PRKD1: variants seen among roughly 807,000 people sequenced by gnomAD.
The protein encoded by PRKD1 is protein kinase D1.
PRKD1 carries 63 observed loss-of-function variants against 95.9 expected under a neutral mutation model. The ratio of observed to expected loss-of-function variants is 0.66; its 90% CI spans 0.54 to 0.81. The LOEUF is 0.81. Ranked by LOEUF, PRKD1 falls within the 30% of genes least tolerant of loss-of-function variation. The probability of loss-of-function intolerance (pLI) is 0.00; values close to 1 mark genes in which losing one functional copy is unlikely to be tolerated. For synonymous variants in PRKD1, 425 were observed against 423.1 expected (o/e 1.00, Z -0.05); for missense variants, 1,048 against 1,165.3 (o/e 0.90, Z 1.47).
In PRKD1 at chr14:29,927,730, C is replaced by T; in HGVS notation, c.-218G>A. ...GGAGATGGGGAGGAGGGAAAATGGC[C>T]GAGGCGGGAGGACTCTGAGGCCCGG... On this transcript the variant is annotated 5_prime_UTR_variant, in exon 1 of 18. Transcript: ENST00000331968. 9.8e-6 allele frequency: 2 copies of T among 203,124 alleles called. No individual in the cohort carries two copies. 12.6% of individuals were successfully genotyped at this position (203,124 alleles called of 1,614,324 possible).
intron 13 of PRKD1, among the ~76,000 whole-genome samples, chr14:29,600,808 G>C (rs768358532): frequency 1.3e-5 from 2 of 152,078 alleles, no homozygotes; most frequent in African/African-American, 2.4e-5. Flanking sequence ...CTTAGCATTA[G>C]ACGATCTCTT....
intron 1 of PRKD1, among the ~76,000 whole-genome samples, chr14:29,870,763 T>C (rs1016372290): frequency 6.6e-6 from 1 of 152,216 alleles, no homozygotes; most frequent in Non-Finnish European, 1.5e-5. Context: ...ATGAATTATA[T>C]TTAAAACTCA....
At chr14:29,898,432 T>C (rs942740870) in intron 1 of PRKD1, among the ~76,000 whole-genome samples, 1 of 152,130 alleles carries the variant, frequency 6.6e-6, no homozygotes. Context: ...TCTATGTACA[T>C]CAACAGGTCC....
chr14:29,754,052 A>G (rs1028888831), intron 1 of PRKD1, among the ~76,000 whole-genome samples: 3 of 152,180 alleles, frequency 2.0e-5, no homozygotes, highest in Admixed American at 2.0e-4. Flanking sequence ...AGCAGTGCCT[A>G]AGGCTTCCTA....
intron 8 of PRKD1, among the ~76,000 whole-genome samples, chr14:29,633,781 T>C (rs910098725): frequency 1.3e-5 from 2 of 152,164 alleles, no homozygotes; most frequent in Non-Finnish European, 2.9e-5. Context: ...ACACAGATGG[T>C]CGAAATTATA....
At position 29,804,115 on chromosome 14, in the gene PRKD1, G is replaced by A. The variant is rs1347033691; in HGVS notation, c.265-78441C>T. Among the ~76,000 whole-genome samples, 4 of 151,884 alleles carry A rather than the reference G, an allele frequency of 2.6e-5. No individual in the cohort carries two copies. The South Asian group carries it at 8.3e-4, about 31-fold the overall frequency. Reference sequence around the variant, plus strand: ...AAATTAGCCGGGCATGGTGGTTGGCGCCTGTAATCCCAGCTACTGGGGAGG... The same window carrying A: ...AAATTAGCCGGGCATGGTGGTTGGCACCTGTAATCCCAGCTACTGGGGAGG... On this transcript the variant is annotated intron_variant, in intron 1 of 17. Coordinates refer to ENST00000331968, the MANE Select transcript of PRKD1 (RefSeq NM_002742.3).
intron 1 of PRKD1, among the ~76,000 whole-genome samples, chr14:29,736,153 G>T (rs1432282984): frequency 6.6e-6 from 1 of 152,184 alleles, no homozygotes. Flanking sequence ...TGTGAACGTG[G>T]AGACCTAGCC....
At chr14:29,827,202 A>T (rs1274724998) in intron 1 of PRKD1, among the ~76,000 whole-genome samples, 4 of 151,818 alleles carry the variant, frequency 2.6e-5, no homozygotes, top group Admixed American at 2.0e-4. Flanking sequence ...ACCAAATACC[A>T]CCTGTTCCCC....
chr14:29,838,692 A>G (rs1280983892), intron 1 of PRKD1, among the ~76,000 whole-genome samples: 2 of 152,114 alleles, frequency 1.3e-5, no homozygotes, highest in Non-Finnish European at 2.9e-5. Context: ...TATATATAAG[A>G]GGATATATAT....
At chr14:29,807,846 C>G (rs763764217) in intron 1 of PRKD1, among the ~76,000 whole-genome samples, 5 of 151,764 alleles carry the variant, frequency 3.3e-5, no homozygotes, top group African/African-American at 4.8e-5. Context: ...CTTAGCCTCC[C>G]GAGTAGCTGG....
At chr14:29,805,546 G>A (rs1890198008) in intron 1 of PRKD1, among the ~76,000 whole-genome samples, 9 of 152,366 alleles carry the variant, frequency 5.9e-5, no homozygotes. Context: ...GCTAACAGTT[G>A]TTGAGCACTT....
rs370132449 is a variant in PRKD1 at position 29,704,895 on chromosome 14, C to T, written c.403+20641G>A. ...TATCTCTTTTACACACACAGACATACACACACAAATAGACTCACACACAAT... is the reference window on the plus strand; with the variant it reads ...TATCTCTTTTACACACACAGACATATACACACAAATAGACTCACACACAAT... On this transcript the variant is annotated intron_variant, in intron 2 of 17. Transcript: ENST00000331968. Among the ~76,000 whole-genome samples, 8 of 152,126 alleles carry T rather than the reference C, an allele frequency of 5.3e-5. No individual in the cohort carries two copies. The East Asian group carries it at 1.2e-3, about 22-fold the overall frequency.
At chr14:29,876,176 A>G (rs1032073062) in intron 1 of PRKD1, among the ~76,000 whole-genome samples, 1 of 152,214 alleles carries the variant, frequency 6.6e-6, no homozygotes, top group Non-Finnish European at 1.5e-5. Flanking sequence ...TCTCAAAATG[A>G]TAGTCTGGAA....
chr14:29,620,872 C>A (rs1477949443), intron 13 of PRKD1, among the ~76,000 whole-genome samples: 1 of 151,682 alleles, frequency 6.6e-6, no homozygotes, highest in Non-Finnish European at 1.5e-5. Flanking sequence ...AAGACACATG[C>A]ACATGTATGT....
chr14:29,658,029 T>A (rs2139196403), intron 4 of PRKD1: 1 of 152,306 alleles, frequency 6.6e-6, no homozygotes, highest in African/African-American at 2.4e-5. Flanking sequence ...GCAGGTACTC[T>A]TAGGGCACAT....
At chr14:29,777,629 C>G (rs1267168680) in intron 1 of PRKD1, among the ~76,000 whole-genome samples, 1 of 152,112 alleles carries the variant, frequency 6.6e-6, no homozygotes, top group Admixed American at 6.5e-5. Flanking sequence ...TACGGGAGCA[C>G]CCAGATTCAT....
intron 1 of PRKD1, among the ~76,000 whole-genome samples, chr14:29,901,466 A>C (rs1894315024): frequency 6.6e-6 from 1 of 152,222 alleles, no homozygotes; most frequent in South Asian, 2.1e-4. Flanking sequence ...ACGAACCTGC[A>C]CATGTACTCC....
intron 2 of PRKD1, among the ~76,000 whole-genome samples, chr14:29,668,851 A>G (rs1211720168): frequency 2.0e-5 from 3 of 152,218 alleles, no homozygotes; most frequent in African/African-American, 7.2e-5. Context: ...TAAGCAATCT[A>G]TAAGGTAGTT....
chr14:29,875,126 C>T (rs1387862432), intron 1 of PRKD1, among the ~76,000 whole-genome samples: 1 of 152,028 alleles, frequency 6.6e-6, no homozygotes, highest in Non-Finnish European at 1.5e-5. Flanking sequence ...AAAGATTTTA[C>T]CCTGAGAGAT....
Sources: gnomAD v4.1 joint callset for allele counts (sites outside exome capture counted in the v4.1 genomes callset) on GRCh38, gnomAD v4.1.1 for gene constraint, MANE v1.5 for transcripts, NCBI Gene and HGNC (gene_info 2026-07-23, HGNC 2026-07-21) for gene names.